The following SLC22A23 variants were observed in gnomAD, a reference collection of about 807,000 sequenced individuals.
SLC22A23 encodes ion transporter protein.
SLC22A23 carries 26 observed loss-of-function variants against 61.0 expected under a neutral mutation model. The observed-to-expected ratio is 0.43, with a 90% CI of 0.31 to 0.59. The LOEUF is 0.59. SLC22A23 is among the 20% of genes least tolerant of loss of function. SLC22A23 has a pLI of 0.11. For missense variants in SLC22A23, 796 were observed against 934.7 expected, an observed-to-expected ratio of 0.85 and a Z score of 1.94; for synonymous variants, 430 against 413.9, an observed-to-expected ratio of 1.04 and a Z score of -0.47.
intron 4 of SLC22A23, among the ~76,000 whole-genome samples, chr6:3,298,800 G>A (rs569403835): frequency 1.2e-4 from 18 of 151,556 alleles, no homozygotes; most frequent in East Asian, 5.8e-4. Flanking sequence ...GTGAAACCCC[G>A]TCTCTACTAA....
At chr6:3,321,987 G>A (rs1436276051) in intron 4 of SLC22A23, among the ~76,000 whole-genome samples, 2 of 152,172 alleles carry the variant, frequency 1.3e-5, no homozygotes, top group African/African-American at 2.4e-5. Context: ...CCTTTAATGA[G>A]CAAGTATTTA....
At chr6:3,452,214 G>A (rs1054201221) in intron 1 of SLC22A23, among the ~76,000 whole-genome samples, 3 of 152,276 alleles carry the variant, frequency 2.0e-5, no homozygotes, top group East Asian at 1.9e-4. Context: ...AACACCATCC[G>A]AAGCAGAGGA....
intron 3 of SLC22A23, among the ~76,000 whole-genome samples, chr6:3,325,665 A>T (rs1763236796): frequency 6.6e-6 from 1 of 152,256 alleles, no homozygotes; most frequent in South Asian, 2.1e-4. Context: ...GCTCTCAAAA[A>T]TAATAAAGAA....
chr6:3,449,849 G>A (rs867285191), intron 1 of SLC22A23, among the ~76,000 whole-genome samples: 11 of 152,108 alleles, frequency 7.2e-5, no homozygotes, highest in South Asian at 2.1e-4. Flanking sequence ...CCAAGATTTC[G>A]TGATATATTG....
Position 3,283,750 on chromosome 6 carries a change from A to G in SLC22A23, c.1703+102T>C, listed in dbSNP as rs117244747. ...ACGAAGCTGATGTGTCCAGAGCCAGAGACAGAGCTGACGCTGGTTAATCCC... is the reference window on the plus strand; with the variant it reads ...ACGAAGCTGATGTGTCCAGAGCCAGGGACAGAGCTGACGCTGGTTAATCCC... On this transcript the variant is annotated intron_variant, in intron 9 of 9. Transcript: ENST00000406686. 8.2e-4 allele frequency: 1,285 copies of G among 1,566,824 alleles called. 7 individuals are homozygous for G. In the East Asian group the frequency reaches 0.015, roughly 18 times the overall value.
At chr6:3,375,323 T>G (rs1383186302) in intron 3 of SLC22A23, among the ~76,000 whole-genome samples, 1 of 152,252 alleles carries the variant, frequency 6.6e-6, no homozygotes, top group African/African-American at 2.4e-5. Context: ...ATAAACTCTG[T>G]AGAGTCTGAT....
chr6:3,287,542 G>A (rs1760141676), intron 6 of SLC22A23, among the ~76,000 whole-genome samples: 1 of 152,158 alleles, frequency 6.6e-6, no homozygotes, highest in African/African-American at 2.4e-5. Flanking sequence ...ACTCAGAGAC[G>A]CAGCTTTTCT....
chr6:3,448,369 T>C (rs1357081239), intron 1 of SLC22A23, among the ~76,000 whole-genome samples: 1 of 152,214 alleles, frequency 6.6e-6, no homozygotes, highest in African/African-American at 2.4e-5. Flanking sequence ...CATTACTGAA[T>C]GTGAAGTTGG....
intron 4 of SLC22A23, among the ~76,000 whole-genome samples, chr6:3,307,654 G>A (rs1019220237): frequency 2.0e-5 from 3 of 152,226 alleles, no homozygotes; most frequent in Admixed American, 1.3e-4. Flanking sequence ...ACCACACCAC[G>A]GTAGGTGCAT....
At chr6:3,438,111 T>TA (rs1446687615) in intron 1 of SLC22A23, among the ~76,000 whole-genome samples, 1 of 152,050 alleles carries the variant, frequency 6.6e-6, no homozygotes, top group Non-Finnish European at 1.5e-5. Flanking sequence ...GACACCCAGC[T>TA]AAGTCTCCCC....
intron 3 of SLC22A23, among the ~76,000 whole-genome samples, chr6:3,381,486 C>A (rs578078605): frequency 5.3e-5 from 8 of 152,258 alleles, no homozygotes; most frequent in South Asian, 2.1e-4. Flanking sequence ...CAGGACCAGT[C>A]CCCAATAAAA....
chr6:3,360,922 G>A lies in SLC22A23; in HGVS notation c.914-36920C>T, dbSNP rs1460115033. On this transcript the variant is annotated intron_variant, in intron 3 of 9. Transcript: ENST00000406686. This position sits in a 1 kb window ranked among gnomAD's most constrained non-coding sequence, Gnocchi z 4.6. Reference sequence around the variant, plus strand: ...GGTGCAGCAGGAACAGAAGGTCAGAGCGTGGTACTGGGGTGACGAGAGGCG... The same window carrying A: ...GGTGCAGCAGGAACAGAAGGTCAGAACGTGGTACTGGGGTGACGAGAGGCG... Among the ~76,000 whole-genome samples, 1 of 152,254 alleles carries A rather than the reference G, an allele frequency of 6.6e-6. No individual in the cohort carries two copies. The highest frequency in any genetic ancestry group is 1.5e-5 in the Non-Finnish European group (1 of 68,046).
chr6:3,280,398 G>C (rs1022797302), intron 9 of SLC22A23, among the ~76,000 whole-genome samples: 5 of 151,468 alleles, frequency 3.3e-5, no homozygotes, highest in African/African-American at 1.2e-4. Flanking sequence ...CTCATCGCTC[G>C]CACGCCACAG....
Position 3,308,144 on chromosome 6 carries a change from G to C in SLC22A23, c.1083-9926C>G, listed in dbSNP as rs971371299. ...ACATCGCGTTGTGGATGTGGTCACT[G>C]AGTTGTACAATTTAAAATGGTTACA... On this transcript the variant is annotated intron_variant, in intron 4 of 9. Coordinates refer to ENST00000406686, the MANE Select transcript of SLC22A23 (RefSeq NM_015482.2). This position sits in a 1 kb window ranked among gnomAD's most constrained non-coding sequence, Gnocchi z 5.1. Among the ~76,000 whole-genome samples the C allele has an allele frequency of 6.6e-6, 1 of 152,200 alleles. No individual in the cohort carries two copies. Among genetic ancestry groups the C allele is most frequent in the Non-Finnish European group, 1.5e-5 (1 of 68,044 alleles).
intron 9 of SLC22A23, among the ~76,000 whole-genome samples, chr6:3,282,997 C>T (rs1040014065): frequency 2.0e-5 from 3 of 152,152 alleles, no homozygotes; most frequent in African/African-American, 7.2e-5. Flanking sequence ...TCCACGAGGG[C>T]GGGACTGTGC....
At chr6:3,409,176 G>A (rs1769037261) in intron 3 of SLC22A23, among the ~76,000 whole-genome samples, 1 of 152,214 alleles carries the variant, frequency 6.6e-6, no homozygotes, top group Non-Finnish European at 1.5e-5. Flanking sequence ...AAGTAAACTG[G>A]AAAAGGTGAT....
Position 3,286,390 on chromosome 6 carries a change from G to A in SLC22A23, c.1546+469C>T, listed in dbSNP as rs1306802817. Among the ~76,000 whole-genome samples the A allele has an allele frequency of 6.6e-6, 1 of 152,168 alleles. No individual in the cohort carries two copies. Among genetic ancestry groups the A allele is most frequent in the African/African-American group, 2.4e-5 (1 of 41,446 alleles). On this transcript the variant is annotated intron_variant, in intron 7 of 9. Transcript: ENST00000406686. The surrounding 1 kb of genome is among the most constrained non-coding windows in gnomAD (Gnocchi z 4.2). ...GCTGGGATTACAGGCGTGAGCCACC[G>A]CACCCGGCCAGATTATTTTTAACCT...
intron 9 of SLC22A23, among the ~76,000 whole-genome samples, chr6:3,280,773 G>A (rs1358644512): frequency 6.6e-6 from 1 of 152,132 alleles, no homozygotes; most frequent in Non-Finnish European, 1.5e-5. Flanking sequence ...TGGGATTACA[G>A]GCGTGAGCCA....
intron 1 of SLC22A23, among the ~76,000 whole-genome samples, chr6:3,429,398 T>A (rs1001910766): frequency 1.3e-5 from 2 of 152,184 alleles, no homozygotes; most frequent in African/African-American, 4.8e-5. Flanking sequence ...CAGTCAACTG[T>A]GTAAAATTCC....
Sources: allele counts gnomAD v4.1 joint callset (sites outside exome capture counted in the v4.1 genomes callset), GRCh38; gene constraint gnomAD v4.1.1; non-coding constraint Gnocchi (gnomAD v3.1); transcripts MANE v1.5; gene names NCBI Gene and HGNC (gene_info 2026-07-23, HGNC 2026-07-21).